The following IARS1 variants were observed in gnomAD, a reference collection of about 807,000 sequenced individuals.
The protein encoded by IARS1 is isoleucyl-tRNA synthetase 1, also known as isoleucine--tRNA ligase, cytoplasmic.
A neutral mutation model predicts 168.2 loss-of-function variants in IARS1; 124 were observed. The ratio of observed to expected loss-of-function variants is 0.74; its 90% confidence interval spans 0.64 to 0.86. IARS1 has a LOEUF of 0.86. IARS1 is among the 40% of genes least tolerant of loss of function. IARS1 has a pLI of 0.00. For synonymous variants in IARS1, 532 were observed against 529.4 expected (o/e 1.00, Z -0.07); for missense variants, 1,452 against 1,515.8 (o/e 0.96, Z 0.70).
intron 16 of IARS1, 88 bp downstream of exon 16, chr9:92,264,841 C>G: frequency 8.9e-7 from 1 of 1,126,412 alleles, no homozygotes; most frequent in South Asian, 1.6e-5. Flanking sequence ...CTCCATCACC[C>G]AGTAGATAAA....
intron 7 of IARS1, among the ~76,000 whole-genome samples, 173 bp downstream of exon 7, chr9:92,280,573 G>C (rs1248760912): frequency 6.6e-6 from 1 of 152,042 alleles, no homozygotes; most frequent in African/African-American, 2.4e-5. Flanking sequence ...TAATTGTTTT[G>C]TTAGTTTTCA....
chr9:92,254,684 T>A (rs574666858), intron 20 of IARS1, among the ~76,000 whole-genome samples: 1 of 151,924 alleles, frequency 6.6e-6, no homozygotes, highest in East Asian at 1.9e-4. Context: ...TCTGAGGGAG[T>A]AAATGAACCC....
At chr9:92,221,397 CAAA>C (rs986419250) in intron 33 of IARS1, among the ~76,000 whole-genome samples, 2 of 152,082 alleles carry the variant, frequency 1.3e-5, no homozygotes, top group African/African-American at 4.8e-5. Flanking sequence ...TCAGGTGTTA[CAAA>C]TAAAAGGATG....
At chr9:92,290,184 G>A (rs2134009266) in intron 1 of IARS1, among the ~76,000 whole-genome samples, 1 of 152,242 alleles carries the variant, frequency 6.6e-6, no homozygotes, top group South Asian at 2.1e-4. Context: ...CAGTGAATGA[G>A]GATTCTAATT....
chr9:92,271,813 C>T (rs1160227958), intron 10 of IARS1, among the ~76,000 whole-genome samples, 158 bp from the exon 11 acceptor site: 1 of 152,222 alleles, frequency 6.6e-6, no homozygotes, highest in Non-Finnish European at 1.5e-5. Flanking sequence ...TTCGGAGAAT[C>T]AGACCCTCAC....
chr9:92,242,438 G>T, intron 28 of IARS1, 108 bp from the exon 29 acceptor site: 1 of 831,794 alleles, frequency 1.2e-6, no homozygotes, highest in Non-Finnish European at 1.9e-6. Context: ...AATCATCACA[G>T]AAGGGCAGTC....
chr9:92,220,285 G>GA (rs71362372), intron 33 of IARS1, among the ~76,000 whole-genome samples: 1 of 109,438 alleles, frequency 9.1e-6, no homozygotes. Context: ...GGGGGAGGGG[G>GA]AGGGATAGCA....
At chr9:92,213,503 C>T (rs1476825365) in intron 33 of IARS1, among the ~76,000 whole-genome samples, 2 of 152,194 alleles carry the variant, frequency 1.3e-5, no homozygotes, top group African/African-American at 2.4e-5. Context: ...AATGTGACCA[C>T]GGAGTCAGAG....
At chr9:92,265,245 C>T in intron 15 of IARS1, 122 bp from the exon 16 acceptor site, 2 of 916,540 alleles carry the variant, frequency 2.2e-6, no homozygotes, top group Non-Finnish European at 3.2e-6. Context: ...ACAGAAATAT[C>T]AGCAATTCTC....
chr9:92,243,224 G>T lies in IARS1; in HGVS notation c.2992C>A (p.Arg998Ser). 4 of 1,612,608 alleles carry T rather than the reference G, an allele frequency of 2.5e-6. No homozygotes were observed. Among genetic ancestry groups the T allele is most frequent in the Non-Finnish European group, 3.4e-6 (4 of 1,178,860 alleles). ...TTAACTGACAAACTAACCTTTTTGC[G>T]AAGTTTCTGTATGCGATTGATGACT... ...REVINRIQKLRKKCNLVPTDE... is the reference protein window; with the variant it reads ...REVINRIQKLSKKCNLVPTDE... Residue 998 changes from arginine (R) to serine (S), a missense_variant, in exon 28 of 34, where the codon CGC (arginine) becomes AGC (serine). Arg to Ser is a moderately radical substitution (Grantham distance 110). Coordinates refer to ENST00000443024, the MANE Select transcript of IARS1 (RefSeq NM_002161.6).
intron 6 of IARS1, among the ~76,000 whole-genome samples, chr9:92,284,380 A>C (rs917201761): frequency 1.3e-5 from 2 of 151,476 alleles, no homozygotes; most frequent in Non-Finnish European, 2.9e-5. Flanking sequence ...TGAATGAGGC[A>C]AGATTAGCCA....
rs1285225241 is a variant in IARS1, at chr9:92,210,793, T to C, written c.*14A>G. On this transcript the variant is annotated 3_prime_UTR_variant, in exon 34 of 34. Transcript: ENST00000443024. ...TTAGGGAAGGGCTGACCGAACAACA[T>C]TGATAAGTACATGCTAGAAGTCTGC... is the stretch of plus-strand genomic sequence containing the variant. 4 of 1,554,366 alleles carry C rather than the reference T, an allele frequency of 2.6e-6. No homozygotes were observed. In the South Asian group the frequency reaches 3.3e-5, roughly 13 times the overall value.
chr9:92,282,027 T>G (rs1587884749), intron 6 of IARS1, among the ~76,000 whole-genome samples: 1 of 104,526 alleles, frequency 9.6e-6, no homozygotes, highest in Admixed American at 9.1e-5. Context: ...CAGAACCCAA[T>G]AAGATCTACA....
In IARS1 at chr9:92,265,530, C is replaced by T. The variant is rs762169026; in HGVS notation, c.1455G>A (p.Ala485=). The T allele has an allele frequency of 1.1e-5, 18 of 1,614,044 alleles. No individual in the cohort carries two copies. The highest frequency in any genetic ancestry group is 4.5e-5 in the East Asian group (2 of 44,888). ...TTGCTCCTGACAGTTCTTCAAGTTC[C>T]GCCACTGACCCAATGCATACCACCT... ...FEEVVCIGSV[A]ELEELSGAKI... is the part of the protein sequence containing the mutation. Residue 485 remains alanine, a synonymous_variant, in exon 15 of 34, where the codon GCG becomes GCA. Coordinates refer to ENST00000443024, the MANE Select transcript of IARS1 (RefSeq NM_002161.6).
At chr9:92,276,224 G>A (rs1296944810) in intron 9 of IARS1, among the ~76,000 whole-genome samples, 1 of 152,186 alleles carries the variant, frequency 6.6e-6, no homozygotes, top group African/African-American at 2.4e-5. Context: ...AGACCTGAAG[G>A]GTGAGTTAAC....
At chr9:92,256,357 A>T (rs1228292890) in intron 20 of IARS1, 48 of 149,640 alleles carry the variant, frequency 3.2e-4, no homozygotes, top group Admixed American at 4.6e-4. Context: ...TTTTTTTTTT[A>T]AATATATTTT....
chr9:92,256,950 C>G (rs540295324), intron 19 of IARS1, 150 bp from the exon 20 acceptor site: 1 of 647,940 alleles, frequency 1.5e-6, no homozygotes, highest in East Asian at 2.9e-5. Context: ...GCAATATTTT[C>G]AAGATAAGCA....
At chr9:92,285,053 C>T (rs942983957) in intron 6 of IARS1, among the ~76,000 whole-genome samples, 4 of 152,058 alleles carry the variant, frequency 2.6e-5, no homozygotes, top group African/African-American at 9.7e-5. Context: ...AATTTTCAAA[C>T]CTAGGCCATG....
chr9:92,217,693 C>T (rs982456360), intron 33 of IARS1, among the ~76,000 whole-genome samples: 10 of 152,016 alleles, frequency 6.6e-5, no homozygotes, highest in East Asian at 3.9e-4. Context: ...ATAAATTCCT[C>T]GACACATACA....
Sources: gnomAD v4.1 joint callset for allele counts (sites outside exome capture counted in the v4.1 genomes callset) on GRCh38, gnomAD v4.1.1 for gene constraint, MANE v1.5 for transcripts, NCBI Gene and HGNC (gene_info 2026-07-23, HGNC 2026-07-21) for gene names.